The following MGA variants were observed in gnomAD, a reference collection of about 807,000 sequenced individuals.
The protein encoded by MGA is MAX dimerization protein MGA.
MGA carries 40 observed loss-of-function variants against 261.1 expected under a neutral mutation model. The observed-to-expected ratio is 0.15, with a 90% CI of 0.12 to 0.20. The LOEUF is 0.20. Ranked by LOEUF, MGA falls within the 10% of genes least tolerant of loss-of-function variation. The pLI is 1.00. For synonymous variants in MGA, 1,302 were observed against 1,290.6 expected (o/e 1.01, Z -0.19); for missense variants, 3,397 against 3,630.5 (o/e 0.94, Z 1.65).
At chr15:41,654,139 T>A (rs1255621785) in intron 1 of MGA, among the ~76,000 whole-genome samples, 2 of 152,354 alleles carry the variant, frequency 1.3e-5, no homozygotes, top group South Asian at 2.1e-4. Context: ...AAGTGACTTA[T>A]ACTCCATCAC....
chr15:41,680,606 C>T (rs1305351729), intron 2 of MGA, among the ~76,000 whole-genome samples: 3 of 152,122 alleles, frequency 2.0e-5, no homozygotes, highest in African/African-American at 4.8e-5. Flanking sequence ...CTCAGGAAAA[C>T]ACTGTATTTA....
Position 41,729,231 on chromosome 15 carries a change from G to A in MGA, c.3725G>A (p.Arg1242Gln), listed in dbSNP as rs1474272053. 5 of 1,613,616 alleles carry A rather than the reference G, an allele frequency of 3.1e-6. No individual in the cohort carries two copies. The highest frequency in any genetic ancestry group is 1.3e-5 in the African/African-American group (1 of 74,862). ...AGTATGATGACTTGTGCTCGAGTTC[G>A]AGTATATGAGCGAAAAAAAGAGGAC... The change falls in exon 11 of 24, where the codon CGA (arginine) becomes CAA (glutamine). Residue 1242 changes from arginine to glutamine, a missense_variant. Physicochemically the swap from Arg to Gln is conservative, Grantham distance 43. Coordinates refer to ENST00000219905, the MANE Select transcript of MGA (RefSeq NM_001164273.2).
intron 13 of MGA, among the ~76,000 whole-genome samples, chr15:41,739,652 A>G (rs2061981743): frequency 6.6e-6 from 1 of 152,232 alleles, no homozygotes. Flanking sequence ...GGATGCAGAA[A>G]TGATGAGTTT....
chr15:41,656,341 C>CT (rs2057176478), upstream of MGA, among the ~76,000 whole-genome samples: 2 of 69,342 alleles, frequency 2.9e-5, no homozygotes, highest in East Asian at 2.2e-3. Flanking sequence ...TCCCTCTCCT[C>CT]TCTTCTCTCT....
At chr15:41,692,837 G>A (rs1463541225) in intron 2 of MGA, among the ~76,000 whole-genome samples, 3 of 151,992 alleles carry the variant, frequency 2.0e-5, no homozygotes, top group East Asian at 1.9e-4. Context: ...TCAGCCTCCC[G>A]AGTAGCTGGG....
chr15:41,760,292 A>G (rs770433173), intron 19 of MGA, 31 bp from the exon 20 acceptor site: 3 of 1,606,752 alleles, frequency 1.9e-6, no homozygotes, highest in South Asian at 2.2e-5. Flanking sequence ...TACATGTTCA[A>G]GATGTTTAGG....
chr15:41,735,808 G>A (rs749944163), intron 12 of MGA, among the ~76,000 whole-genome samples: 23 of 152,058 alleles, frequency 1.5e-4, no homozygotes, highest in Non-Finnish European at 1.9e-4. Context: ...ATGTTTCAAA[G>A]CATCTAGCAA....
At chr15:41,716,949 G>T (rs191592313) in intron 9 of MGA, among the ~76,000 whole-genome samples, 4 of 152,058 alleles carry the variant, frequency 2.6e-5, no homozygotes, top group African/African-American at 7.2e-5. Flanking sequence ...CTGAAAAAAA[G>T]ATGGGTAACA....
chr15:41,650,626 T>C (rs1002421460), intron 1 of MGA, among the ~76,000 whole-genome samples: 9 of 151,864 alleles, frequency 5.9e-5, no homozygotes, highest in Middle Eastern at 3.2e-3. Flanking sequence ...TTAGTAGAGA[T>C]AGGGTTTCAC....
At chr15:41,642,503 TAGAC>T (rs1447026119) in intron 1 of MGA, among the ~76,000 whole-genome samples, 1 of 151,596 alleles carries the variant, frequency 6.6e-6, no homozygotes, top group African/African-American at 2.4e-5. Flanking sequence ...ATTATTATTT[TAGAC>T]AGAGTCTTCC....
chr15:41,734,335 AACTATGTGTTTTT>A (rs2061663560), intron 11 of MGA, among the ~76,000 whole-genome samples, 174 bp from the exon 12 acceptor site: 1 of 152,184 alleles, frequency 6.6e-6, no homozygotes, highest in East Asian at 1.9e-4. Context: ...TAGGTAGCAA[AACTATGTGTTTTT>A]ACCCAGGGTT....
At chr15:41,642,637 C>G (rs2056846403) in intron 1 of MGA, among the ~76,000 whole-genome samples, 1 of 152,178 alleles carries the variant, frequency 6.6e-6, no homozygotes, top group African/African-American at 2.4e-5. Context: ...GCGCATGCCA[C>G]CTCACCCAGC....
chr15:41,701,446 A>G (rs2059847997), intron 5 of MGA, among the ~76,000 whole-genome samples: 1 of 152,136 alleles, frequency 6.6e-6, no homozygotes, highest in Admixed American at 6.6e-5. Context: ...TTTCTTTTAT[A>G]GACATCTTAG....
intron 1 of MGA, among the ~76,000 whole-genome samples, chr15:41,661,352 C>G (rs993003760): frequency 6.7e-6 from 1 of 149,782 alleles, no homozygotes; most frequent in Admixed American, 6.7e-5. Context: ...ACCGCCCCCC[C>G]AAAGCTCCAG....
intron 1 of MGA, among the ~76,000 whole-genome samples, chr15:41,666,582 T>C (rs1441243448): frequency 6.6e-6 from 1 of 152,220 alleles, no homozygotes; most frequent in Non-Finnish European, 1.5e-5. Flanking sequence ...GTCTGAAGTT[T>C]AAGAGGTACA....
chr15:41,706,402 A>G (rs1342763539), intron 5 of MGA, among the ~76,000 whole-genome samples: 2 of 151,102 alleles, frequency 1.3e-5, no homozygotes, highest in East Asian at 3.9e-4. Flanking sequence ...TGCACGCCAC[A>G]GTGCCTGGCT....
chr15:41,759,110 A>G (rs981199203), intron 19 of MGA, among the ~76,000 whole-genome samples: 3 of 152,174 alleles, frequency 2.0e-5, no homozygotes, highest in Non-Finnish European at 2.9e-5. Context: ...AAGGCAAGAT[A>G]GATTGTTTAT....
chr15:41,767,790 A>G lies in MGA; in HGVS notation c.*510A>G, dbSNP rs1206909817. 2 of 154,918 alleles carry G rather than the reference A, an allele frequency of 1.3e-5. No homozygotes were observed. The highest frequency in any genetic ancestry group is 2.9e-5 in the Non-Finnish European group (2 of 69,560). The allele number at this position is 154,918 out of a possible 1,614,324, so 9.6% of individuals were successfully genotyped here. ...GGAGAGAGAGGATGGGTACCATGGAATACCAAAGTGAAGGACTTTGTGTCA... is the reference window on the plus strand; with the variant it reads ...GGAGAGAGAGGATGGGTACCATGGAGTACCAAAGTGAAGGACTTTGTGTCA... On this transcript the variant is annotated 3_prime_UTR_variant, in exon 24 of 24. Transcript: ENST00000219905.
chr15:41,634,366 A>G (rs2056656148), intron 1 of MGA, among the ~76,000 whole-genome samples: 1 of 152,184 alleles, frequency 6.6e-6, no homozygotes, highest in Non-Finnish European at 1.5e-5. Context: ...AAATGAGGAA[A>G]CTAAAGCCCA....
Sources: allele counts gnomAD v4.1 joint callset (sites outside exome capture counted in the v4.1 genomes callset), GRCh38; gene constraint gnomAD v4.1.1; transcripts MANE v1.5; gene names NCBI Gene and HGNC (gene_info 2026-07-23, HGNC 2026-07-21).